The following CTNNA3 variants were observed in gnomAD, a reference collection of about 807,000 sequenced individuals.
CTNNA3 encodes catenin alpha-3.
In CTNNA3, 76 loss-of-function variants were observed where a neutral mutation model predicts 95.7. That is an observed-to-expected ratio of 0.79 (90% CI 0.66 to 0.96). The LOEUF (loss-of-function observed/expected upper bound fraction) is 0.96. Among genes scored for constraint, CTNNA3 ranks in the 40% least tolerant of loss-of-function variants. CTNNA3 has a pLI of 0.00. For missense variants in CTNNA3, 1,191 were observed against 1,089.8 expected (o/e 1.09, Z -1.31); for synonymous variants, 431 against 374.4 (o/e 1.15, Z -1.74).
chr10:66,154,905 T>C (rs1242228419), intron 13 of CTNNA3, among the ~76,000 whole-genome samples: 1 of 151,298 alleles, frequency 6.6e-6, no homozygotes, highest in Non-Finnish European at 1.5e-5. Flanking sequence ...TCTCTAGAGT[T>C]GTTTGACAAA....
intron 5 of CTNNA3, among the ~76,000 whole-genome samples, chr10:67,319,896 CAAAAAA>C (rs11418140): frequency 4.9e-5 from 5 of 102,900 alleles, no homozygotes; most frequent in East Asian, 2.8e-4. Flanking sequence ...GACTCAGTCT[CAAAAAA>C]AAAAAAAAAA....
chr10:66,603,916 AC>A (rs550192667), intron 10 of CTNNA3, among the ~76,000 whole-genome samples: 61 of 152,294 alleles, frequency 4.0e-4, no homozygotes, highest in African/African-American at 1.4e-3. Flanking sequence ...TTCACCATAT[AC>A]AAAAATCAAA....
chr10:66,167,516 A>G (rs1267023857), intron 13 of CTNNA3, among the ~76,000 whole-genome samples: 2 of 152,194 alleles, frequency 1.3e-5, no homozygotes, highest in Non-Finnish European at 2.9e-5. Context: ...AGGATCTTTA[A>G]TTGACTAATA....
chr10:67,510,460 C>CTTTTTTTTTTTT (rs139116294), intron 5 of CTNNA3, among the ~76,000 whole-genome samples: 2 of 140,876 alleles, frequency 1.4e-5, no homozygotes, highest in Non-Finnish European at 3.1e-5. Context: ...TTCTTCACTT[C>CTTTTTTTTTTTT]TTTTTTTTTT....
At chr10:67,488,316 G>A (rs1848524144) in intron 5 of CTNNA3, among the ~76,000 whole-genome samples, 1 of 152,184 alleles carries the variant, frequency 6.6e-6, no homozygotes. Context: ...GAACCAGAAA[G>A]ACAAGTATGA....
chr10:66,791,746 A>C (rs1243983805), intron 7 of CTNNA3, among the ~76,000 whole-genome samples: 1 of 152,162 alleles, frequency 6.6e-6, no homozygotes, highest in Admixed American at 6.6e-5. Flanking sequence ...TAGTGAATTA[A>C]TTACTTGTTT....
intron 7 of CTNNA3, among the ~76,000 whole-genome samples, chr10:66,865,585 TTA>T (rs1269244085): frequency 6.6e-6 from 1 of 152,144 alleles, no homozygotes; most frequent in Non-Finnish European, 1.5e-5. Context: ...TTGGCACAAT[TTA>T]TGTAATCAAA....
intron 4 of CTNNA3, among the ~76,000 whole-genome samples, chr10:67,533,138 A>G (rs368122945): frequency 1.2e-4 from 18 of 152,296 alleles, no homozygotes; most frequent in African/African-American, 4.3e-4. Context: ...AGCCTAGCCA[A>G]CATGGCAAAA....
chr10:66,102,700 A>AGTG (rs112189542), intron 14 of CTNNA3, among the ~76,000 whole-genome samples: 8 of 151,602 alleles, frequency 5.3e-5, no homozygotes, highest in African/African-American at 9.7e-5. Context: ...TGGTGGTGGC[A>AGTG]GTGGTGGTGG....
chr10:66,088,912 G>A lies in CTNNA3; in HGVS notation c.1977+14245C>T, dbSNP rs543904822. 2.0e-4 allele frequency among the ~76,000 whole-genome samples: 31 copies of A among 152,204 alleles called. 1 individual carries two copies. In the South Asian group the frequency reaches 4.8e-3, roughly 23 times the overall value. On this transcript the variant is annotated intron_variant, in intron 14 of 17. Coordinates refer to ENST00000433211, the MANE Select transcript of CTNNA3 (RefSeq NM_013266.4). ...ATGCCCAGTTTTCTGTTGGCCAGGC[G>A]TGGAAAGTGGGGTGAGGAGTCATTT...
chr10:67,329,233 T>C (rs1841680870), intron 5 of CTNNA3, among the ~76,000 whole-genome samples: 1 of 152,164 alleles, frequency 6.6e-6, no homozygotes, highest in African/African-American at 2.4e-5. Context: ...TAGCTGGGCA[T>C]AGTGATGCAT....
intron 5 of CTNNA3, among the ~76,000 whole-genome samples, chr10:67,502,332 T>TC (rs1839259779): frequency 6.6e-6 from 1 of 152,142 alleles, no homozygotes; most frequent in African/African-American, 2.4e-5. Flanking sequence ...TCCTGTTCCT[T>TC]CCTCTGGAAG....
At chr10:66,147,608 G>GTTTTTTTTTTTTTTTTTTT (rs34193216) in intron 13 of CTNNA3, among the ~76,000 whole-genome samples, 1 of 105,766 alleles carries the variant, frequency 9.5e-6, no homozygotes, top group Non-Finnish European at 1.9e-5. Flanking sequence ...GTTGCTTTCA[G>GTTTTTTTTTTTTTTTTTTT]TTTTTTTTTT....
chr10:66,235,290 T>C (rs2089793382), intron 13 of CTNNA3, among the ~76,000 whole-genome samples: 1 of 152,106 alleles, frequency 6.6e-6, no homozygotes, highest in South Asian at 2.1e-4. Flanking sequence ...TTTCATGCTT[T>C]AAAATTTTAT....
Position 66,520,695 on chromosome 10 carries a change from T to G in CTNNA3, c.1453A>C (p.Thr485Pro). Reference sequence around the variant, plus strand: ...AGGACATGTATATGATTCTCCCATGTACGCTTGTACATTTCCATGGTGTTT... The same window carrying G: ...AGGACATGTATATGATTCTCCCATGGACGCTTGTACATTTCCATGGTGTTT... ...VKNTMEMYKR[T>P]WENHIHVLTE... Residue 485 changes from threonine (T) to proline (P), a missense_variant, in exon 11 of 18, where the codon ACA becomes CCA. Transcript: ENST00000433211. The G allele has an allele frequency of 2.5e-6, 4 of 1,612,512 alleles. No individual in the cohort carries two copies. Among genetic ancestry groups the G allele is most frequent in the Non-Finnish European group, 3.4e-6 (4 of 1,179,208 alleles).
chr10:66,962,328 C>A (rs1925562), intron 7 of CTNNA3, among the ~76,000 whole-genome samples: 64,342 of 151,794 alleles, frequency 0.42, 15,360 homozygotes, highest in East Asian at 0.6. Flanking sequence ...CGTACTTACA[C>A]CTCCTTCTGC....
intron 11 of CTNNA3, among the ~76,000 whole-genome samples, chr10:66,425,295 G>C (rs2093230088): frequency 6.6e-6 from 1 of 151,590 alleles, no homozygotes; most frequent in African/African-American, 2.4e-5. Context: ...TATTTTATTA[G>C]AAAACTAATA....
chr10:65,974,311 A>T (rs2133281607), intron 16 of CTNNA3, among the ~76,000 whole-genome samples: 1 of 152,354 alleles, frequency 6.6e-6, no homozygotes, highest in South Asian at 2.1e-4. Context: ...TTGCAGCACT[A>T]TTCACAAAGC....
intron 7 of CTNNA3, among the ~76,000 whole-genome samples, chr10:66,794,849 A>C (rs1841126344): frequency 6.7e-6 from 1 of 149,512 alleles, no homozygotes; most frequent in South Asian, 2.1e-4. Flanking sequence ...ACAGTGTTCA[A>C]AGCATCTCCA....
Sources: gnomAD v4.1 joint callset for allele counts (sites outside exome capture counted in the v4.1 genomes callset) on GRCh38, gnomAD v4.1.1 for gene constraint, MANE v1.5 for transcripts, NCBI Gene and HGNC (gene_info 2026-07-23, HGNC 2026-07-21) for gene names.